SOBP: variants seen among roughly 807,000 people sequenced by gnomAD.
The protein encoded by SOBP is sine oculis-binding protein homolog.
A neutral mutation model predicts 53.6 loss-of-function variants in SOBP; 4 were observed. The ratio of observed to expected loss-of-function variants is 0.07; its 90% CI spans 0.04 to 0.17. SOBP has a LOEUF of 0.17. Ranked by LOEUF, SOBP falls within the 10% of genes least tolerant of loss-of-function variation. SOBP has a pLI of 1.00. For synonymous variants in SOBP, 584 were observed against 522.6 expected, an observed-to-expected ratio of 1.12 and a Z score of -1.60; for missense variants, 1,088 against 1,204.7, an observed-to-expected ratio of 0.90 and a Z score of 1.43.
intron 4 of SOBP, among the ~76,000 whole-genome samples, chr6:107,562,218 C>T (rs964773019): frequency 6.6e-6 from 1 of 151,956 alleles, no homozygotes; most frequent in African/African-American, 2.4e-5. Context: ...GGGGTTTTAC[C>T]ATGTTGGCCA....
intron 4 of SOBP, among the ~76,000 whole-genome samples, chr6:107,547,482 G>GCTAA (rs1387047420): frequency 1.3e-5 from 2 of 152,188 alleles, no homozygotes; most frequent in Admixed American, 1.3e-4. Context: ...TTTATAAAAG[G>GCTAA]CTAACGCTGA....
intron 3 of SOBP, among the ~76,000 whole-genome samples, chr6:107,530,173 G>A (rs1249037637): frequency 6.6e-6 from 1 of 152,070 alleles, no homozygotes; most frequent in African/African-American, 2.4e-5. Context: ...TGTAAGACAG[G>A]TAATTAGGTT....
chr6:107,602,653 A>G lies in SOBP; in HGVS notation c.669+15478A>G, dbSNP rs115770290. Among the ~76,000 whole-genome samples, 877 of 152,006 alleles carry G rather than the reference A, an allele frequency of 5.8e-3. 9 individuals are homozygous for G. Among genetic ancestry groups the G allele is most frequent in the African/African-American group, 0.02 (837 of 41,452 alleles). ...AAAGGCAACACAAAGAGCAAATTTT[A>G]CTTCATTAATGGCCTAAAGGCTCAG... On this transcript the variant is annotated intron_variant, in intron 5 of 6. Coordinates refer to ENST00000317357, the MANE Select transcript of SOBP (RefSeq NM_018013.4).
intron 3 of SOBP, among the ~76,000 whole-genome samples, chr6:107,507,731 T>C (rs1783039358): frequency 1.3e-5 from 2 of 152,152 alleles, no homozygotes; most frequent in South Asian, 4.1e-4. Flanking sequence ...CCCCTGAAAA[T>C]TACATATCTT....
At chr6:107,540,346 C>A (rs3923954) in intron 4 of SOBP, among the ~76,000 whole-genome samples, 1 of 152,120 alleles carries the variant, frequency 6.6e-6, no homozygotes, top group South Asian at 2.1e-4. Context: ...CTTTGTTCCT[C>A]GGGCTCTTTG....
At chr6:107,611,673 G>A (rs772322517) in intron 5 of SOBP, among the ~76,000 whole-genome samples, 1 of 152,188 alleles carries the variant, frequency 6.6e-6, no homozygotes, top group Non-Finnish European at 1.5e-5. Context: ...GTCAGGGTAC[G>A]CAATGGTGGC....
intron 5 of SOBP, among the ~76,000 whole-genome samples, chr6:107,629,670 A>T (rs1770618737): frequency 6.6e-6 from 1 of 152,216 alleles, no homozygotes; most frequent in Admixed American, 6.5e-5. Context: ...ATATGTGCTG[A>T]GGCAGTGTCT....
chr6:107,560,292 A>G (rs570548408), intron 4 of SOBP, among the ~76,000 whole-genome samples: 1 of 149,976 alleles, frequency 6.7e-6, no homozygotes, highest in Admixed American at 6.7e-5. Flanking sequence ...TAGTAAAGAT[A>G]GGAGTAGCCC....
chr6:107,581,004 C>T (rs1310747351), intron 4 of SOBP, among the ~76,000 whole-genome samples: 3 of 152,194 alleles, frequency 2.0e-5, no homozygotes, highest in African/African-American at 4.8e-5. Flanking sequence ...GATAGAAACC[C>T]ATTCATTTAT....
At chr6:107,519,847 T>C (rs1783428397) in intron 3 of SOBP, among the ~76,000 whole-genome samples, 1 of 152,168 alleles carries the variant, frequency 6.6e-6, no homozygotes. Flanking sequence ...CACTCCTACT[T>C]TCTGGGATCA....
chr6:107,570,780 G>A (rs1785051888), intron 4 of SOBP, among the ~76,000 whole-genome samples: 1 of 152,250 alleles, frequency 6.6e-6, no homozygotes, highest in African/African-American at 2.4e-5. Flanking sequence ...TCCACATTAA[G>A]TGTAATAGCA....
At chr6:107,643,809 A>G (rs1031136104) in intron 6 of SOBP, among the ~76,000 whole-genome samples, 8 of 152,252 alleles carry the variant, frequency 5.3e-5, no homozygotes, top group Admixed American at 5.2e-4. Flanking sequence ...TATAGAAGAT[A>G]CAAGATGAAG....
At chr6:107,531,830 T>C (rs1215293909) in intron 3 of SOBP, among the ~76,000 whole-genome samples, 3 of 152,200 alleles carry the variant, frequency 2.0e-5, no homozygotes, top group Non-Finnish European at 4.4e-5. Context: ...ATTTGTGAAA[T>C]ACTAAAAGGT....
At chr6:107,598,619 CTGTTA>C (rs774258351) in intron 5 of SOBP, among the ~76,000 whole-genome samples, 20 of 152,098 alleles carry the variant, frequency 1.3e-4, no homozygotes, top group Non-Finnish European at 2.8e-4. Context: ...ATAGGAATCT[CTGTTA>C]GGTACCTGAG....
At chr6:107,641,851 C>T (rs930969183) in intron 6 of SOBP, among the ~76,000 whole-genome samples, 1 of 152,228 alleles carries the variant, frequency 6.6e-6, no homozygotes, top group Non-Finnish European at 1.5e-5. Flanking sequence ...GGAACACTTA[C>T]CCTCACCCGA....
At chr6:107,594,836 TG>T (rs1401769380) in intron 5 of SOBP, among the ~76,000 whole-genome samples, 1 of 152,178 alleles carries the variant, frequency 6.6e-6, no homozygotes, top group African/African-American at 2.4e-5. Context: ...AATGCAGAGA[TG>T]GGATACTCCT....
chr6:107,617,208 C>T (rs942335608), intron 5 of SOBP, among the ~76,000 whole-genome samples: 1 of 152,120 alleles, frequency 6.6e-6, no homozygotes, highest in Non-Finnish European at 1.5e-5. Context: ...GGGTTATCTC[C>T]AAGGAAACCC....
chr6:107,591,084 G>A (rs527376416), intron 5 of SOBP, among the ~76,000 whole-genome samples: 54 of 152,272 alleles, frequency 3.5e-4, no homozygotes, highest in African/African-American at 1.2e-3. Flanking sequence ...TTTATACACT[G>A]TCATCCTGGT....
intron 6 of SOBP, among the ~76,000 whole-genome samples, chr6:107,642,056 C>T (rs928141080): frequency 6.6e-6 from 1 of 152,160 alleles, no homozygotes; most frequent in Admixed American, 6.5e-5. Flanking sequence ...TTCTTAGGGC[C>T]TCAAAGGGCA....
Sources: gnomAD v4.1 joint callset for allele counts (sites outside exome capture counted in the v4.1 genomes callset) on GRCh38, gnomAD v4.1.1 for gene constraint, MANE v1.5 for transcripts, NCBI Gene and HGNC (gene_info 2026-07-23, HGNC 2026-07-21) for gene names.